SEPTIN1: variants seen among roughly 807,000 people sequenced by gnomAD.
SEPTIN1 encodes the protein septin-1.
SEPTIN1 carries 52 observed loss-of-function variants against 50.7 expected under a neutral mutation model. The observed-to-expected ratio is 1.03, with a 90% CI of 0.82 to 1.29. The LOEUF (loss-of-function observed/expected upper bound fraction) is 1.29. Ranked by LOEUF, SEPTIN1 falls within the 50% of genes most tolerant of loss-of-function variation. The pLI is 0.00. For synonymous variants in SEPTIN1, 204 were observed against 189.1 expected (o/e 1.08, Z -0.65); for missense variants, 455 against 490.7 (o/e 0.93, Z 0.69).
rs2049823500 is a variant in SEPTIN1 at position 30,380,045 on chromosome 16, CAGAT to C, written c.574-16_574-13del. On this transcript the variant is annotated splice_polypyrimidine_tract_variant and intron_variant, in intron 6 of 10. Coordinates refer to ENST00000321367, the MANE Select transcript of SEPTIN1 (RefSeq NM_001365977.2). ...AACTGATCCCGGATCTCAGGGGAAA[CAGAT>C]ATAGAGACAGTGTGAAACGGGCCAC... 1 of 1,605,326 alleles carries C rather than the reference CAGAT, an allele frequency of 6.2e-7. No homozygotes were observed. Among genetic ancestry groups the C allele is most frequent in the Admixed American group, 1.7e-5 (1 of 59,072 alleles).
chr16:30,378,287 G>A lies in SEPTIN1; in HGVS notation c.*147C>T. 1.3e-6 allele frequency: 1 copy of A among 791,842 alleles called. No individual in the cohort carries two copies. The highest frequency in any genetic ancestry group is 2.0e-6 in the Non-Finnish European group (1 of 505,170). The allele number at this position is 791,842 out of a possible 1,614,324, so 49.1% of individuals were successfully genotyped here. On this transcript the variant is annotated 3_prime_UTR_variant, in exon 11 of 11. Transcript: ENST00000321367. ...GGGACCAGCGCCGGGGCGGGGCTAC[G>A]GACTCAGGCTGGGAGAACCTCCCCC...
chr16:30,381,780 G>A lies in SEPTIN1; in HGVS notation c.300C>T (p.Asp100=). ...CTCACCAGTCAGAGCAGTCCACTGA[G>A]TCCCCAAAGCCAGGTGTGTCCACAA... ...LTLVDTPGFG[D]SVDCSDCWLP... The change falls in exon 4 of 11, where the codon GAC becomes GAT. Residue 100 remains aspartate (D), a synonymous_variant. Transcript: ENST00000321367. This position sits in a 1 kb window ranked among gnomAD's most constrained non-coding sequence, Gnocchi z 4.3. The A allele has an allele frequency of 6.2e-7, 1 of 1,614,078 alleles. No homozygotes were observed. The highest frequency in any genetic ancestry group is 1.1e-5 in the South Asian group (1 of 91,078).
chr16:30,380,510 G>C (rs1429316735), intron 6 of SEPTIN1: 1 of 156,610 alleles, frequency 6.4e-6, no homozygotes, highest in Non-Finnish European at 1.4e-5. Context: ...CCATGTTGCC[G>C]TGGCTTGTCT....
Position 30,378,297 on chromosome 16 carries a change from T to C in SEPTIN1, c.*137A>G, listed in dbSNP as rs898463422. ...CCGGGGCGGGGCTACGGACTCAGGCTGGGAGAACCTCCCCCTAGCCCGCGC... is the reference window on the plus strand; with the variant it reads ...CCGGGGCGGGGCTACGGACTCAGGCCGGGAGAACCTCCCCCTAGCCCGCGC... On this transcript the variant is annotated 3_prime_UTR_variant, in exon 11 of 11. Coordinates refer to ENST00000321367, the MANE Select transcript of SEPTIN1 (RefSeq NM_001365977.2). 3 of 844,320 alleles carry C rather than the reference T, an allele frequency of 3.6e-6. No homozygotes were observed. In the African/African-American group the frequency reaches 5.2e-5, roughly 15 times the overall value. The allele number at this position is 844,320 out of a possible 1,614,324, so 52.3% of individuals were successfully genotyped here. A position where few individuals can be genotyped will look rare whatever the true frequency, so the allele number is the denominator to read the frequency against.
upstream of SEPTIN1, chr16:30,382,642 T>G (rs1431912462): frequency 6.5e-7 from 1 of 1,541,418 alleles, no homozygotes; most frequent in East Asian, 2.4e-5. This position sits in a 1 kb window ranked among gnomAD's most constrained non-coding sequence, Gnocchi z 4.8. Context: ...ATGCTCAAAC[T>G]GGCCCAGTCC....
upstream of SEPTIN1, chr16:30,382,579 G>T: frequency 6.4e-7 from 1 of 1,573,740 alleles, no homozygotes; most frequent in East Asian, 2.3e-5. The surrounding 1 kb of genome is among the most constrained non-coding windows in gnomAD (Gnocchi z 4.8). Context: ...TCCTCTGGTG[G>T]GGCAGGAAGC....
chr16:30,381,807 G>T lies in SEPTIN1; in HGVS notation c.273C>A (p.Thr91=). The change falls in exon 4 of 11, where the codon ACC becomes ACA. Residue 91 remains threonine, a synonymous_variant. Coordinates refer to ENST00000321367, the MANE Select transcript of SEPTIN1 (RefSeq NM_001365977.2). The surrounding 1 kb of genome is among the most constrained non-coding windows in gnomAD (Gnocchi z 4.3). ...CCCCAAAGCCAGGTGTGTCCACAAG[G>T]GTCAGCTTCACTTTCACACCCCCTT... is the stretch of plus-strand genomic sequence containing the variant. The part of the protein sequence containing the change: ...IEEGGVKVKL[T]LVDTPGFGDS... 6.2e-7 allele frequency: 1 copy of T among 1,614,096 alleles called. No individual in the cohort carries two copies. Among genetic ancestry groups the T allele is most frequent in the Non-Finnish European group, 8.5e-7 (1 of 1,180,018 alleles).
Position 30,382,321 on chromosome 16 carries a change from G to T in SEPTIN1, c.63C>A (p.His21Gln), listed in dbSNP as rs748260170. 3 of 1,613,862 alleles carry T rather than the reference G, an allele frequency of 1.9e-6. No individual in the cohort carries two copies. In the Admixed American group the frequency reaches 5.0e-5, roughly 27 times the overall value. The change falls in exon 2 of 11, where the codon CAC becomes CAA. Residue 21 changes from histidine to glutamine, a missense_variant. Transcript: ENST00000321367. The surrounding 1 kb of genome is among the most constrained non-coding windows in gnomAD (Gnocchi z 4.8). ...CAAACCCCTTCTTGACAGACTTGCG[G>T]TGCAGCTGGTTGGGGAGGGCAGCAA... ...VGFAALPNQL[H>Q]RKSVKKGFDF... is the part of the protein sequence containing the mutation.
rs775401845 is a variant in SEPTIN1 at position 30,382,544 on chromosome 16, A to T, written c.-2T>A. 1.8e-5 allele frequency: 29 copies of T among 1,592,236 alleles called. No homozygotes were observed. The South Asian group carries it at 3.0e-4, about 16-fold the overall frequency. ...ACTCACCATGACTCCGCCAGCCATC[A>T]CTGCACCTGCCGTCTCTCCCCACTT... On this transcript the variant is annotated 5_prime_UTR_variant, in exon 1 of 11. Coordinates refer to ENST00000321367, the MANE Select transcript of SEPTIN1 (RefSeq NM_001365977.2). This position sits in a 1 kb window ranked among gnomAD's most constrained non-coding sequence, Gnocchi z 4.8.
intron 6 of SEPTIN1, 146 bp downstream of exon 6, chr16:30,380,981 T>C: frequency 1.3e-6 from 1 of 746,082 alleles, no homozygotes; most frequent in South Asian, 1.6e-5. Context: ...TGCTGGCGGC[T>C]TACCACCCGC....
At position 30,380,034 on chromosome 16, in the gene SEPTIN1, C is replaced by T; in HGVS notation, c.574-1G>A. The stretch of plus-strand genomic sequence containing the variant: ...CCTCTTCCTTCAACTGATCCCGGAT[C>T]TCAGGGGAAACAGATATAGAGACAG... On this transcript the variant is annotated splice_acceptor_variant, in intron 6 of 10. Coordinates refer to ENST00000321367, the MANE Select transcript of SEPTIN1 (RefSeq NM_001365977.2). LOFTEE classifies it high-confidence loss of function. The T allele has an allele frequency of 6.2e-7, 1 of 1,609,322 alleles. No individual in the cohort carries two copies.
At position 30,378,441 on chromosome 16, in the gene SEPTIN1, G is replaced by A; in HGVS notation, c.1112C>T (p.Ala371Val). 6.4e-7 allele frequency: 1 copy of A among 1,571,390 alleles called. No homozygotes were observed. The highest frequency in any genetic ancestry group is 8.6e-7 in the Non-Finnish European group (1 of 1,166,852). The change falls in exon 11 of 11, where the codon GCC (alanine) becomes GTC (valine). Residue 371 changes from alanine to valine, a missense_variant. Physicochemically the swap from Ala to Val is moderately conservative, Grantham distance 64. Coordinates refer to ENST00000321367, the MANE Select transcript of SEPTIN1 (RefSeq NM_001365977.2). ...QSQAQGEQSD[A>V]L ...GCCGGGCGGGGCGTGGCCTCAGAGG[G>A]CGTCTGACTGCTCGCCCTGGGCCTG...
rs754938047 is a variant in SEPTIN1, at chr16:30,379,501, C to T, written c.709G>A (p.Glu237Lys). The T allele has an allele frequency of 3.1e-5, 50 of 1,613,836 alleles. 2 individuals carry two copies. The South Asian group carries it at 4.6e-4, about 15-fold the overall frequency. The change falls in exon 8 of 11, where the codon GAG becomes AAG. Residue 237 changes from glutamate to lysine, a missense_variant. Transcript: ENST00000321367. ...SIPFAVVGSCEVVRDGGNRPV... is the reference protein window; with the variant it reads ...SIPFAVVGSCKVVRDGGNRPV... The stretch of plus-strand genomic sequence containing the variant: ...CGGTTCCCGCCATCCCTCACCACCT[C>T]GCATGATCCCACGACTGCAAAAGGG...
In SEPTIN1 at chr16:30,378,595, G is replaced by A. The variant is rs747058994; in HGVS notation, c.1032+15C>T. ...CCTGGGGCATCGGTCGGGGGGAAGC[G>A]AGGTGCGTGCTCACCTCTTCGTCTT... On this transcript the variant is annotated intron_variant, in intron 10 of 10. Transcript: ENST00000321367. The A allele has an allele frequency of 6.2e-7, 1 of 1,611,098 alleles. No homozygotes were observed. The highest frequency in any genetic ancestry group is 8.5e-7 in the Non-Finnish European group (1 of 1,179,568).
chr16:30,378,554 C>A (rs751012090), intron 10 of SEPTIN1, 34 bp from the exon 11 acceptor site: 4 of 1,602,786 alleles, frequency 2.5e-6, no homozygotes, highest in East Asian at 2.2e-5. Flanking sequence ...GGTGACCTGG[C>A]GAAGCCAGAG....
In SEPTIN1 at chr16:30,378,188, G is replaced by T. The variant is rs1354998066; in HGVS notation, c.*246C>A. ...AGACAGAGTCTGGGAGAAGAAGGGGGACTCCGGAAGACAGTGATGCGGTCG... is the reference window on the plus strand; with the variant it reads ...AGACAGAGTCTGGGAGAAGAAGGGGTACTCCGGAAGACAGTGATGCGGTCG... On this transcript the variant is annotated 3_prime_UTR_variant, in exon 11 of 11. Coordinates refer to ENST00000321367, the MANE Select transcript of SEPTIN1 (RefSeq NM_001365977.2). The T allele has an allele frequency of 1.3e-5, 9 of 698,736 alleles. No individual in the cohort carries two copies. The highest frequency in any genetic ancestry group is 2.3e-4 in the Middle Eastern group (1 of 4,340). 43.3% of individuals were successfully genotyped at this position (698,736 alleles called of 1,614,324 possible). A position where few individuals can be genotyped will look rare whatever the true frequency, so the allele number is the denominator to read the frequency against.
intron 7 of SEPTIN1, 84 bp from the exon 8 acceptor site, chr16:30,379,618 C>T (rs1221457781): frequency 6.4e-6 from 5 of 785,658 alleles, no homozygotes; most frequent in Non-Finnish European, 1.1e-5. Flanking sequence ...ACACCCGCCT[C>T]CTCTGCTTCC....
rs749077329 is a variant in SEPTIN1 at position 30,381,715 on chromosome 16, G to A, written c.320+45C>T. 42 of 1,607,254 alleles carry A rather than the reference G, an allele frequency of 2.6e-5. No individual in the cohort carries two copies. Among genetic ancestry groups the A allele is most frequent in the Non-Finnish European group, 3.2e-5 (38 of 1,176,832 alleles). Reference sequence around the variant, plus strand: ...CAGTCCTGTAACTCTCCAGGGAGTCGCCACTGTGAAAGGCTGAGCCTCTGT... The same window carrying A: ...CAGTCCTGTAACTCTCCAGGGAGTCACCACTGTGAAAGGCTGAGCCTCTGT... On this transcript the variant is annotated intron_variant, in intron 4 of 10. Transcript: ENST00000321367. The surrounding 1 kb of genome is among the most constrained non-coding windows in gnomAD (Gnocchi z 4.3).
chr16:30,382,749 C>T, upstream of SEPTIN1: 2 of 1,536,198 alleles, frequency 1.3e-6, no homozygotes, highest in Non-Finnish European at 1.7e-6. This position sits in a 1 kb window ranked among gnomAD's most constrained non-coding sequence, Gnocchi z 4.8. Context: ...AACCCTCCAT[C>T]CTTCACACAT....
Sources: allele counts gnomAD v4.1 joint callset, GRCh38; gene constraint gnomAD v4.1.1; non-coding constraint Gnocchi (gnomAD v3.1); transcripts MANE v1.5; gene names NCBI Gene and HGNC (gene_info 2026-07-23, HGNC 2026-07-21).